DCDC1: variants seen among roughly 807,000 people sequenced by gnomAD.
The protein encoded by DCDC1 is doublecortin domain-containing protein 1.
A neutral mutation model predicts 178.3 loss-of-function variants in DCDC1; 200 were observed. The ratio of observed to expected loss-of-function variants is 1.12; its 90% CI spans 1.00 to 1.26. The LOEUF is 1.26. Ranked by LOEUF, DCDC1 falls within the 50% of genes most tolerant of loss-of-function variation. The pLI, the probability that DCDC1 is intolerant of heterozygous loss-of-function variation, is 0.00. For synonymous variants in DCDC1, 690 were observed against 604.8 expected (o/e 1.14, Z -2.07); for missense variants, 1,983 against 1,749.2 (o/e 1.13, Z -2.38).
intron 9 of DCDC1, among the ~76,000 whole-genome samples, chr11:31,222,284 G>C (rs1974359928): frequency 6.6e-6 from 1 of 151,986 alleles, no homozygotes. Flanking sequence ...GGCTGATCTA[G>C]AACTCCTGAG....
chr11:31,301,695 G>A (rs1000475228), intron 6 of DCDC1, among the ~76,000 whole-genome samples: 3 of 152,070 alleles, frequency 2.0e-5, no homozygotes, highest in Non-Finnish European at 4.4e-5. Flanking sequence ...GTGTGTCGTG[G>A]AATTGAAATA....
chr11:31,111,668 T>G (rs887338269), intron 11 of DCDC1, among the ~76,000 whole-genome samples: 2 of 152,184 alleles, frequency 1.3e-5, no homozygotes, highest in Non-Finnish European at 2.9e-5. Flanking sequence ...AAAAGACTCT[T>G]ACTGTCCCCA....
chr11:31,169,026 A>C (rs2136209759), intron 9 of DCDC1, among the ~76,000 whole-genome samples: 1 of 152,320 alleles, frequency 6.6e-6, no homozygotes, highest in South Asian at 2.1e-4. Context: ...AACCTGGTAC[A>C]TATACACCGT....
chr11:31,166,308 A>T (rs1408797682), intron 9 of DCDC1, among the ~76,000 whole-genome samples: 1 of 152,170 alleles, frequency 6.6e-6, no homozygotes, highest in Non-Finnish European at 1.5e-5. Flanking sequence ...AAAAACCATT[A>T]CGATTTTTAC....
At chr11:31,075,138 A>T (rs925245282) in intron 18 of DCDC1, among the ~76,000 whole-genome samples, 2 of 152,160 alleles carry the variant, frequency 1.3e-5, no homozygotes, top group African/African-American at 4.8e-5. Context: ...ATAAGTGAGA[A>T]CATATGGGTT....
chr11:31,031,283 T>C (rs1028104564), intron 20 of DCDC1, among the ~76,000 whole-genome samples: 5 of 152,300 alleles, frequency 3.3e-5, no homozygotes, highest in Non-Finnish European at 5.9e-5. Context: ...ATGATAAATA[T>C]GTAAAACTTT....
intron 20 of DCDC1, among the ~76,000 whole-genome samples, chr11:31,043,453 T>C (rs1328022653): frequency 6.6e-6 from 1 of 151,990 alleles, no homozygotes; most frequent in African/African-American, 2.4e-5. Flanking sequence ...AGTTGAAAAA[T>C]GTTGGAAAAG....
At chr11:31,017,087 A>T (rs1290101828) in intron 20 of DCDC1, among the ~76,000 whole-genome samples, 1 of 152,230 alleles carries the variant, frequency 6.6e-6, no homozygotes, top group Non-Finnish European at 1.5e-5. Context: ...TACTGTAACA[A>T]TATGGCATGT....
chr11:30,907,999 A>G (rs1945189860), intron 29 of DCDC1, among the ~76,000 whole-genome samples: 1 of 152,174 alleles, frequency 6.6e-6, no homozygotes, highest in Admixed American at 6.6e-5. Flanking sequence ...AGTTTAGTTA[A>G]TCAATGTAGG....
intron 20 of DCDC1, among the ~76,000 whole-genome samples, chr11:30,990,735 T>A (rs925459118): frequency 1.3e-5 from 2 of 152,224 alleles, no homozygotes; most frequent in African/African-American, 4.8e-5. Flanking sequence ...ATGTTTGTTT[T>A]TTTCTGATTA....
At chr11:31,271,208 C>T (rs931542781) in intron 7 of DCDC1, among the ~76,000 whole-genome samples, 1 of 152,194 alleles carries the variant, frequency 6.6e-6, no homozygotes, top group East Asian at 1.9e-4. Context: ...CTTATTTCTA[C>T]AGCCATCCAC....
chr11:31,130,683 A>C (rs1962316429), intron 10 of DCDC1, among the ~76,000 whole-genome samples: 1 of 152,146 alleles, frequency 6.6e-6, no homozygotes, highest in South Asian at 2.1e-4. Flanking sequence ...ATCCTATATA[A>C]CTTATATAGT....
rs1961773431 is a variant in DCDC1 at position 31,127,256 on chromosome 11, A to G, written c.1485+213T>C. 2.0e-5 allele frequency among the ~76,000 whole-genome samples: 3 copies of G among 152,232 alleles called. No individual in the cohort carries two copies. In the South Asian group the frequency reaches 6.2e-4, roughly 31 times the overall value. On this transcript the variant is annotated intron_variant, in intron 11 of 38. Transcript: ENST00000684477. Reference sequence around the variant, plus strand: ...TACTTTTCTGAATTGGAAACTAGTTAAAGCTTATAAATACACATTTCAAAG... The same window carrying G: ...TACTTTTCTGAATTGGAAACTAGTTGAAGCTTATAAATACACATTTCAAAG...
chr11:31,305,744 T>C lies in DCDC1; in HGVS notation c.625A>G (p.Asn209Asp). 1 of 1,613,740 alleles carries C rather than the reference T, an allele frequency of 6.2e-7. No homozygotes were observed. Among genetic ancestry groups the C allele is most frequent in the Non-Finnish European group, 8.5e-7 (1 of 1,179,836 alleles). The change falls in exon 6 of 39, where the codon AAC (asparagine) becomes GAC (aspartate). Residue 209 changes from asparagine (N) to aspartate (D), a missense_variant. Transcript: ENST00000684477. ...AAGAACACTCGTCTTGCGGCCATGT[T>C]CAGATTCAGCTTTTCTGTGCACTCC... ...LEECTEKLNL[N>D]MAARRVFLAD... is the part of the protein sequence containing the mutation.
intron 20 of DCDC1, among the ~76,000 whole-genome samples, chr11:31,023,181 C>T (rs1382599421): frequency 6.6e-6 from 1 of 152,060 alleles, no homozygotes; most frequent in Non-Finnish European, 1.5e-5. Context: ...GCGTGGCAAG[C>T]CCCTGCCTTA....
Position 31,328,304 on chromosome 11 carries a change from T to A in DCDC1, c.-6-18A>T, listed in dbSNP as rs899594540. On this transcript the variant is annotated intron_variant, in intron 2 of 38. Coordinates refer to ENST00000684477, the MANE Select transcript of DCDC1 (RefSeq NM_001387274.1). The stretch of plus-strand genomic sequence containing the variant: ...ATTTTCAGCTAAAAATGATAAAGAA[T>A]GTTATTTAATTTTAAATGTAAAATC... The A allele has an allele frequency of 6.5e-7, 1 of 1,542,874 alleles. No homozygotes were observed. Among genetic ancestry groups the A allele is most frequent in the African/African-American group, 1.4e-5 (1 of 72,554 alleles).
intron 31 of DCDC1, 134 bp downstream of exon 31, chr11:30,904,827 T>G: frequency 2.1e-6 from 2 of 969,660 alleles, no homozygotes; most frequent in Non-Finnish European, 3.1e-6. Context: ...ACAGAGATCT[T>G]CATCTCATCA....
chr11:30,977,390 T>C (rs1449167578), intron 20 of DCDC1, among the ~76,000 whole-genome samples: 1 of 152,208 alleles, frequency 6.6e-6, no homozygotes, highest in Non-Finnish European at 1.5e-5. Context: ...CCAAACACTC[T>C]GACTTGATCA....
intron 17 of DCDC1, among the ~76,000 whole-genome samples, chr11:31,079,919 T>G (rs1957077218): frequency 6.6e-6 from 1 of 151,978 alleles, no homozygotes; most frequent in Non-Finnish European, 1.5e-5. Context: ...GGCAGAGATG[T>G]GAAAAATAAG....
Sources: allele counts gnomAD v4.1 joint callset (sites outside exome capture counted in the v4.1 genomes callset), GRCh38; gene constraint gnomAD v4.1.1; transcripts MANE v1.5; gene names NCBI Gene and HGNC (gene_info 2026-07-23, HGNC 2026-07-21).